The following ZNF385B variants were observed in gnomAD, a reference collection of about 807,000 sequenced individuals.
ZNF385B encodes zinc finger protein 533.
Under a neutral mutation model 39.2 loss-of-function variants are expected in ZNF385B, and 23 were observed. That is an observed-to-expected ratio of 0.59 (90% CI 0.42 to 0.83). The LOEUF (loss-of-function observed/expected upper bound fraction) is 0.83. Ranked by LOEUF, ZNF385B falls within the 40% of genes least tolerant of loss-of-function variation. The probability of loss-of-function intolerance (pLI) is 0.00; values close to 1 mark genes in which losing one functional copy is unlikely to be tolerated. For synonymous variants in ZNF385B, 205 were observed against 222.6 expected (o/e 0.92, Z 0.70); for missense variants, 552 against 598.9 (o/e 0.92, Z 0.82).
intron 1 of ZNF385B, among the ~76,000 whole-genome samples, chr2:179,848,729 T>C (rs993818738): frequency 2.6e-5 from 4 of 152,164 alleles, no homozygotes; most frequent in African/African-American, 7.2e-5. Context: ...CCTTTGGCCA[T>C]TGTACATGTA....
chr2:179,856,298 T>C (rs1684589424), intron 1 of ZNF385B, among the ~76,000 whole-genome samples: 1 of 152,100 alleles, frequency 6.6e-6, no homozygotes, highest in Non-Finnish European at 1.5e-5. Flanking sequence ...GGGGCATACA[T>C]CAGCACCGGG....
chr2:179,637,042 T>C (rs1198694671), intron 3 of ZNF385B, among the ~76,000 whole-genome samples: 1 of 152,188 alleles, frequency 6.6e-6, no homozygotes, highest in African/African-American at 2.4e-5. Flanking sequence ...TCATAGCAAG[T>C]AATTTCTAGT....
At chr2:179,742,715 C>A (rs1702152431) in intron 3 of ZNF385B, among the ~76,000 whole-genome samples, 1 of 151,986 alleles carries the variant, frequency 6.6e-6, no homozygotes, top group African/African-American at 2.4e-5. Flanking sequence ...AGTACAAACT[C>A]TATAAATTGC....
In ZNF385B at chr2:179,446,599, G is replaced by A. The variant is rs1287967714; in HGVS notation, c.887C>T (p.Ala296Val). The A allele has an allele frequency of 6.2e-7, 1 of 1,613,924 alleles. No individual in the cohort carries two copies. Among genetic ancestry groups the A allele is most frequent in the East Asian group, 2.2e-5 (1 of 44,848 alleles). ...TAGTGAACAATAAAGTAATTTTTTGGCTTTTTCTTCTTCTGATTCAACAAC... is the reference window on the plus strand; with the variant it reads ...TAGTGAACAATAAAGTAATTTTTTGACTTTTTCTTCTTCTGATTCAACAAC... ...GTVVESEEEK[A>V]KKLLYCSLCK... Residue 296 changes from alanine (A) to valine (V), a missense_variant, in exon 7 of 10, where the codon GCC becomes GTC. Ala to Val is a moderately conservative substitution (Grantham distance 64). Coordinates refer to ENST00000410066, the MANE Select transcript of ZNF385B (RefSeq NM_152520.6).
chr2:179,697,400 T>C (rs1294861000), intron 3 of ZNF385B, among the ~76,000 whole-genome samples: 1 of 152,238 alleles, frequency 6.6e-6, no homozygotes, highest in Non-Finnish European at 1.5e-5. Flanking sequence ...TCCTGTGCTG[T>C]CATGCACTTC....
At position 179,447,978 on chromosome 2, in the gene ZNF385B, C is replaced by CT. The variant is rs60384026; in HGVS notation, c.716-1209dup. On this transcript the variant is annotated intron_variant, in intron 6 of 9. Transcript: ENST00000410066. ...TAGGAATCAGCAGTTGATTTCCATC[C>CT]TTTTTTTTTTTTTTGAGTTGGATCC... Among the ~76,000 whole-genome samples the CT allele has an allele frequency of 4.8e-3, 698 of 145,600 alleles. 5 individuals are homozygous for CT. Among genetic ancestry groups the CT allele is most frequent in the African/African-American group, 0.014 (550 of 39,334 alleles).
Position 179,769,905 on chromosome 2 carries a change from C to T in ZNF385B, c.-2-103G>A, listed in dbSNP as rs182574536. On this transcript the variant is annotated intron_variant, in intron 2 of 9. Coordinates refer to ENST00000410066, the MANE Select transcript of ZNF385B (RefSeq NM_152520.6). ...AGGGTTTGTTTAAGCTAAAAGTTGCCCAGCTACCCAGTGGTTACTACTAGA... is the reference window on the plus strand; with the variant it reads ...AGGGTTTGTTTAAGCTAAAAGTTGCTCAGCTACCCAGTGGTTACTACTAGA... 1,091 of 1,124,980 alleles carry T rather than the reference C, an allele frequency of 9.7e-4. 5 individuals carry two copies. The African/African-American group carries it at 0.013, about 14-fold the overall frequency. The allele number at this position is 1,124,980 out of a possible 1,614,324, so 69.7% of individuals were successfully genotyped here.
chr2:179,687,811 G>A (rs575123523), intron 3 of ZNF385B, among the ~76,000 whole-genome samples: 1 of 152,220 alleles, frequency 6.6e-6, no homozygotes, highest in South Asian at 2.1e-4. Flanking sequence ...GGGTTTATGT[G>A]AAAATTTAAA....
chr2:179,853,090 G>T (rs1160995948), intron 1 of ZNF385B, among the ~76,000 whole-genome samples: 1 of 152,118 alleles, frequency 6.6e-6, no homozygotes, highest in Non-Finnish European at 1.5e-5. Flanking sequence ...CCCATAGTTT[G>T]CCAATTATAT....
intron 5 of ZNF385B, among the ~76,000 whole-genome samples, chr2:179,516,631 G>A (rs1046350366): frequency 6.6e-6 from 1 of 151,872 alleles, no homozygotes; most frequent in Non-Finnish European, 1.5e-5. Context: ...TTATTATTGA[G>A]TTATAAATTA....
intron 3 of ZNF385B, among the ~76,000 whole-genome samples, chr2:179,730,219 G>C (rs1701303213): frequency 6.6e-6 from 1 of 152,110 alleles, no homozygotes; most frequent in Non-Finnish European, 1.5e-5. Context: ...CCGGGTCCTG[G>C]CTTAATCATT....
chr2:179,713,582 T>G (rs1459804460), intron 3 of ZNF385B, among the ~76,000 whole-genome samples: 1 of 152,214 alleles, frequency 6.6e-6, no homozygotes, highest in Admixed American at 6.5e-5. Flanking sequence ...CATAATTGCA[T>G]GATTATTTGA....
intron 3 of ZNF385B, among the ~76,000 whole-genome samples, chr2:179,675,137 T>A (rs1696577901): frequency 6.6e-6 from 1 of 152,178 alleles, no homozygotes; most frequent in Admixed American, 6.5e-5. Flanking sequence ...TAACAAATAT[T>A]TTATATAGCA....
At chr2:179,535,621 C>T (rs1224004647) in intron 4 of ZNF385B, among the ~76,000 whole-genome samples, 2 of 152,142 alleles carry the variant, frequency 1.3e-5, no homozygotes, top group African/African-American at 2.4e-5. Context: ...TTGAAATATG[C>T]TAAATCCCTC....
chr2:179,479,615 G>A (rs1458038365), intron 6 of ZNF385B, among the ~76,000 whole-genome samples: 3 of 152,004 alleles, frequency 2.0e-5, no homozygotes, highest in Admixed American at 6.6e-5. Context: ...CGTGGCAGGC[G>A]GATCACTTGA....
At chr2:179,823,255 T>C (rs563734072) in intron 1 of ZNF385B, among the ~76,000 whole-genome samples, 3 of 152,290 alleles carry the variant, frequency 2.0e-5, no homozygotes, top group Admixed American at 6.5e-5. Context: ...AGAACTGCTA[T>C]GCTGTATTAC....
chr2:179,703,451 T>C (rs1699362455), intron 3 of ZNF385B, among the ~76,000 whole-genome samples: 1 of 152,200 alleles, frequency 6.6e-6, no homozygotes, highest in Non-Finnish European at 1.5e-5. Context: ...TTTAACATAG[T>C]ATATATGTCA....
At chr2:179,779,777 T>C (rs151081383) in intron 1 of ZNF385B, among the ~76,000 whole-genome samples, 357 of 152,228 alleles carry the variant, frequency 2.3e-3, no homozygotes, top group African/African-American at 8.3e-3. Flanking sequence ...TCTAACCCGA[T>C]TGGGTCTTGA....
intron 6 of ZNF385B, among the ~76,000 whole-genome samples, chr2:179,464,347 G>A (rs1343989541): frequency 6.6e-6 from 1 of 152,162 alleles, no homozygotes; most frequent in Admixed American, 6.5e-5. Context: ...AAGCTCTTTA[G>A]TTTAATTATA....
Sources: allele counts gnomAD v4.1 joint callset (sites outside exome capture counted in the v4.1 genomes callset), GRCh38; gene constraint gnomAD v4.1.1; transcripts MANE v1.5; gene names NCBI Gene and HGNC (gene_info 2026-07-23, HGNC 2026-07-21).